SAMD5: variants seen among roughly 807,000 people sequenced by gnomAD.
SAMD5 encodes the protein sterile alpha motif domain-containing protein 5.
A neutral mutation model predicts 11.3 loss-of-function variants in SAMD5; 13 were observed. The ratio of observed to expected loss-of-function variants is 1.15; its 90% CI spans 0.75 to 1.83. The LOEUF is 1.83. Ranked by LOEUF, SAMD5 falls within the 40% of genes most tolerant of loss-of-function variation. The probability of loss-of-function intolerance (pLI) is 0.00; values close to 1 mark genes in which losing one functional copy is unlikely to be tolerated. For missense variants in SAMD5, 255 were observed against 239.1 expected (o/e 1.07, Z -0.44); for synonymous variants, 129 against 111.3 (o/e 1.16, Z -1.00).
At chr6:147,891,540 A>G in the SAMD5 span, among the ~76,000 whole-genome samples, 9 of 152,168 alleles carry the variant, frequency 5.9e-5, no homozygotes, top group Non-Finnish European at 1.2e-4. Flanking sequence ...TTGGGGCCCT[A>G]TGATGAGATT....
the SAMD5 span, among the ~76,000 whole-genome samples, chr6:147,939,817 T>G: frequency 1.3e-5 from 2 of 152,138 alleles, no homozygotes; most frequent in Admixed American, 1.3e-4. Flanking sequence ...AGCATTTTTT[T>G]TTTTTTAATT....
the SAMD5 span, among the ~76,000 whole-genome samples, chr6:147,939,067 A>G: frequency 3.3e-5 from 5 of 152,158 alleles, no homozygotes; most frequent in African/African-American, 1.2e-4. Flanking sequence ...ATGACTTGCT[A>G]GAATCACTCA....
At chr6:147,687,138 A>G (rs1791023278) in intron 1 of SAMD5, among the ~76,000 whole-genome samples, 1 of 152,142 alleles carries the variant, frequency 6.6e-6, no homozygotes, top group South Asian at 2.1e-4. Context: ...CACATTTTTT[A>G]AACCCTACAA....
At chr6:147,857,914 G>A in the SAMD5 span, among the ~76,000 whole-genome samples, 7 of 152,126 alleles carry the variant, frequency 4.6e-5, 1 homozygote, top group African/African-American at 2.4e-5. Context: ...TTGAAGTCTC[G>A]AGATAGCTTA....
At chr6:147,828,037 C>T in the SAMD5 span, among the ~76,000 whole-genome samples, 3 of 152,098 alleles carry the variant, frequency 2.0e-5, no homozygotes, top group Middle Eastern at 3.4e-3. Context: ...CTGCCCGCCT[C>T]GGCCTCCCAA....
the SAMD5 span, among the ~76,000 whole-genome samples, chr6:147,770,533 G>A: frequency 5.9e-5 from 9 of 152,200 alleles, no homozygotes; most frequent in African/African-American, 1.9e-4. Flanking sequence ...TGGCAATGTC[G>A]ATCCTAAATC....
intron 1 of SAMD5, among the ~76,000 whole-genome samples, chr6:147,657,367 T>G (rs990538852): frequency 6.6e-6 from 1 of 152,172 alleles, no homozygotes; most frequent in African/African-American, 2.4e-5. Context: ...AATAGCCCTA[T>G]TCTTGGAGGG....
chr6:147,854,654 T>TA, the SAMD5 span, among the ~76,000 whole-genome samples: 1 of 152,192 alleles, frequency 6.6e-6, no homozygotes, highest in Admixed American at 6.5e-5. Context: ...GCCCAGAAGA[T>TA]AAAAATATTT....
the SAMD5 span, among the ~76,000 whole-genome samples, chr6:147,872,830 C>T: frequency 6.6e-6 from 1 of 152,114 alleles, no homozygotes; most frequent in African/African-American, 2.4e-5. Context: ...CCACCTGATG[C>T]CATATTGAAA....
At chr6:147,600,279 A>G (rs1008633380) in intron 1 of SAMD5, among the ~76,000 whole-genome samples, 1 of 152,124 alleles carries the variant, frequency 6.6e-6, no homozygotes, top group Admixed American at 6.6e-5. Context: ...TCTCCCAGGT[A>G]TCTCTGCTGT....
At chr6:147,709,480 T>G (rs1791368124) in intron 1 of SAMD5, among the ~76,000 whole-genome samples, 1 of 152,230 alleles carries the variant, frequency 6.6e-6, no homozygotes. Context: ...TTTAGAAGGC[T>G]AATCAGGGTT....
chr6:147,892,914 T>A, the SAMD5 span, among the ~76,000 whole-genome samples: 78 of 152,168 alleles, frequency 5.1e-4, 2 homozygotes, highest in Admixed American at 1.3e-4. Context: ...ACTAACATTT[T>A]AAAAGTATTC....
intron 1 of SAMD5, among the ~76,000 whole-genome samples, chr6:147,727,051 C>A (rs1422340598): frequency 6.6e-6 from 1 of 152,158 alleles, no homozygotes; most frequent in Non-Finnish European, 1.5e-5. Context: ...TTGCTGAAAG[C>A]CTTTTAACTT....
At chr6:147,852,183 G>A in the SAMD5 span, among the ~76,000 whole-genome samples, 1 of 151,848 alleles carries the variant, frequency 6.6e-6, no homozygotes, top group African/African-American at 2.4e-5. Flanking sequence ...AACATTACTT[G>A]ATATACAAGT....
chr6:147,880,706 C>G, the SAMD5 span, among the ~76,000 whole-genome samples: 3 of 152,158 alleles, frequency 2.0e-5, no homozygotes, highest in Non-Finnish European at 4.4e-5. Context: ...TCTTGTCCAG[C>G]TGCTGTTCTC....
chr6:147,870,171 A>G, the SAMD5 span, among the ~76,000 whole-genome samples: 1 of 152,100 alleles, frequency 6.6e-6, no homozygotes, highest in Non-Finnish European at 1.5e-5. Context: ...ACCATACCGG[A>G]CAGTGCAGCT....
chr6:147,725,018 T>C (rs1265760933), intron 1 of SAMD5, among the ~76,000 whole-genome samples: 1 of 152,240 alleles, frequency 6.6e-6, no homozygotes, highest in Non-Finnish European at 1.5e-5. Flanking sequence ...TTTTTGTTGA[T>C]AGGCATAAAC....
chr6:147,835,379 AG>A, the SAMD5 span, among the ~76,000 whole-genome samples: 1 of 152,072 alleles, frequency 6.6e-6, no homozygotes, highest in Non-Finnish European at 1.5e-5. Context: ...TCCCTCTCAA[AG>A]GGGGCATCAG....
the SAMD5 span, among the ~76,000 whole-genome samples, chr6:147,950,072 G>A: frequency 1.0e-3 from 156 of 152,222 alleles, no homozygotes; most frequent in African/African-American, 2.9e-3. Context: ...AAACCAAGAC[G>A]GAATATGAAG....
Sources: allele counts gnomAD v4.1 joint callset (sites outside exome capture counted in the v4.1 genomes callset), GRCh38; gene constraint gnomAD v4.1.1; transcripts MANE v1.5; gene names NCBI Gene and HGNC (gene_info 2026-07-23, HGNC 2026-07-21).